The following LARP1B variants were observed in gnomAD, a reference collection of about 807,000 sequenced individuals.
LARP1B encodes the protein la-related protein 1B.
LARP1B carries 76 observed loss-of-function variants against 114.2 expected under a neutral mutation model. The observed-to-expected ratio is 0.67, with a 90% CI of 0.55 to 0.81. The LOEUF (loss-of-function observed/expected upper bound fraction) is 0.81, where lower values mean the gene tolerates loss of function less well. Ranked by LOEUF, LARP1B falls within the 30% of genes least tolerant of loss-of-function variation. LARP1B has a pLI of 0.00. For missense variants in LARP1B, 1,014 were observed against 1,075.8 expected (o/e 0.94, Z 0.80); for synonymous variants, 345 against 348.0 (o/e 0.99, Z 0.10).
chr4:128,089,246 A>G (rs778206681), intron 5 of LARP1B, among the ~76,000 whole-genome samples: 5 of 152,194 alleles, frequency 3.3e-5, no homozygotes, highest in Non-Finnish European at 7.3e-5. Context: ...CCTTGTCTCT[A>G]GGATTTGCAT....
rs1268744742 is a variant in LARP1B, at chr4:128,199,571, C to T, written c.2136C>T (p.Tyr712=). The T allele has an allele frequency of 6.3e-7, 1 of 1,576,638 alleles. No individual in the cohort carries two copies. The highest frequency in any genetic ancestry group is 1.2e-5 in the South Asian group (1 of 81,866). Residue 712 remains tyrosine, a synonymous_variant, in exon 16 of 20, where the codon TAC becomes TAT. Transcript: ENST00000326639. ...LKENGFTQQV[Y]HKYRRRCLSE... The stretch of plus-strand genomic sequence containing the variant: ...AAAATGGCTTTACCCAACAAGTGTA[C>T]CACAAGTATCGTCGAAGATGCCTAA...
rs756257530 is a variant in LARP1B, at chr4:128,077,738, T to G, written c.43-50T>G. On this transcript the variant is annotated intron_variant, in intron 3 of 19. Coordinates refer to ENST00000326639, the MANE Select transcript of LARP1B (RefSeq NM_018078.4). Reference sequence around the variant, plus strand: ...ATATTGCCACAAATTTTTGGGTATGTTAGTGAAAATATTAATGGAAATCAT... The same window carrying G: ...ATATTGCCACAAATTTTTGGGTATGGTAGTGAAAATATTAATGGAAATCAT... 7.6e-6 allele frequency: 11 copies of G among 1,456,032 alleles called. No individual in the cohort carries two copies. In the South Asian group the frequency reaches 1.8e-4, roughly 24 times the overall value. The allele number at this position is 1,456,032 out of a possible 1,614,324, so 90.2% of individuals were successfully genotyped here.
At position 128,098,747 on chromosome 4, in the gene LARP1B, G is replaced by GTGTATATATATATATATATATATA; in HGVS notation, c.813+418_813+419insGTATATATATATATATATATATAT. On this transcript the variant is annotated intron_variant, in intron 8 of 19. Transcript: ENST00000326639. ...AGCATGTGTTCCTGTATATGTATGT[G>GTGTATATATATATATATATATATA]TATATATATATATATATATATTTTT... 3.2e-4 allele frequency among the ~76,000 whole-genome samples: 5 copies of GTGTATATATATATATATATATATA among 15,586 alleles called. 1 individual carries two copies. The highest frequency in any genetic ancestry group is 9.7e-4 in the African/African-American group (5 of 5,172). The allele number at this position is 15,586 out of a possible 152,430, so 10.2% of individuals were successfully genotyped here.
intron 17 of LARP1B, among the ~76,000 whole-genome samples, chr4:128,201,628 T>A (rs1270493113): frequency 6.6e-6 from 1 of 152,238 alleles, no homozygotes; most frequent in African/African-American, 2.4e-5. Flanking sequence ...TTGCTTCTAC[T>A]TCTCTTCGTC....
At chr4:128,083,798 G>A (rs1178458278) in intron 5 of LARP1B, among the ~76,000 whole-genome samples, 1 of 149,078 alleles carries the variant, frequency 6.7e-6, no homozygotes. Context: ...CCGGGCGGGG[G>A]GCTGACCCCC....
At chr4:128,187,976 C>T (rs1750898928) in intron 15 of LARP1B, among the ~76,000 whole-genome samples, 1 of 152,102 alleles carries the variant, frequency 6.6e-6, no homozygotes, top group Admixed American at 6.5e-5. Context: ...GTAAGTTTTC[C>T]TAAGGCCTCC....
chr4:128,140,640 T>A (rs1347052797), intron 11 of LARP1B, among the ~76,000 whole-genome samples: 1 of 152,182 alleles, frequency 6.6e-6, no homozygotes, highest in Admixed American at 6.6e-5. Context: ...ATGAATGCGT[T>A]ATAAGTTGCA....
chr4:128,155,809 G>T, intron 11 of LARP1B: 1 of 1,587,936 alleles, frequency 6.3e-7, no homozygotes, highest in South Asian at 1.1e-5. Flanking sequence ...TGATAAACTG[G>T]AAGATGAGAA....
At chr4:128,147,409 T>G (rs1245828693) in intron 11 of LARP1B, among the ~76,000 whole-genome samples, 1 of 152,212 alleles carries the variant, frequency 6.6e-6, no homozygotes, top group Non-Finnish European at 1.5e-5. Flanking sequence ...GAGTTTTGCC[T>G]TGATTATTAG....
chr4:128,076,366 A>T (rs1032385897), intron 3 of LARP1B, among the ~76,000 whole-genome samples: 30 of 152,254 alleles, frequency 2.0e-4, no homozygotes, highest in African/African-American at 7.0e-4. Context: ...CTAGAATTTT[A>T]TATATGTGGA....
chr4:128,186,416 T>A (rs922666285), intron 15 of LARP1B, among the ~76,000 whole-genome samples: 1 of 152,214 alleles, frequency 6.6e-6, no homozygotes, highest in East Asian at 1.9e-4. Context: ...ATACTTTATG[T>A]ATTTTTGTAG....
At chr4:128,166,966 CTCTCT>C (rs1741216513) in intron 12 of LARP1B, among the ~76,000 whole-genome samples, 1 of 87,856 alleles carries the variant, frequency 1.1e-5, no homozygotes, top group Non-Finnish European at 2.2e-5. Context: ...CTCTCTCTCT[CTCTCT>C]ATATATATAT....
chr4:128,117,479 G>A (rs924820563), intron 10 of LARP1B, among the ~76,000 whole-genome samples: 30 of 152,002 alleles, frequency 2.0e-4, no homozygotes, highest in African/African-American at 7.0e-4. Context: ...TTCCCCTCCC[G>A]GGTTCAAGCG....
chr4:128,140,106 T>A (rs1727333663), intron 11 of LARP1B, among the ~76,000 whole-genome samples: 1 of 152,228 alleles, frequency 6.6e-6, no homozygotes, highest in Non-Finnish European at 1.5e-5. Context: ...TTATTGCATG[T>A]CGAAATAGAT....
At chr4:128,137,152 A>G (rs1224350283) in intron 11 of LARP1B, among the ~76,000 whole-genome samples, 32 of 151,568 alleles carry the variant, frequency 2.1e-4, no homozygotes, top group Admixed American at 2.0e-3. Flanking sequence ...AATTAAAAAA[A>G]CTCCCCCGAC....
intron 4 of LARP1B, among the ~76,000 whole-genome samples, chr4:128,081,685 A>C (rs1770523548): frequency 6.6e-6 from 1 of 152,122 alleles, no homozygotes. Context: ...GTCCTTCTTT[A>C]GACTAACAGT....
rs1738853652 is a variant in LARP1B, at chr4:128,162,275, C to T, written c.1606C>T (p.Pro536Ser). 3 of 1,612,956 alleles carry T rather than the reference C, an allele frequency of 1.9e-6. No individual in the cohort carries two copies. The highest frequency in any genetic ancestry group is 2.5e-6 in the Non-Finnish European group (3 of 1,179,290). ...CCTAACACCTGAACTTCCTTTTGAG[C>T]CAAACCAAGAAGTTCCTGTAGCACC... Reference protein sequence around the residue: ...ENLTPELPFEPNQEVPVAPSQ... With the variant: ...ENLTPELPFESNQEVPVAPSQ... The change falls in exon 12 of 20, where the codon CCA (proline) becomes TCA (serine). Residue 536 changes from proline to serine, a missense_variant. Physicochemically the swap from Pro to Ser is moderately conservative, Grantham distance 74 (BLOSUM62 -1). Coordinates refer to ENST00000326639, the MANE Select transcript of LARP1B (RefSeq NM_018078.4).
chr4:128,065,325 CTCTCTCTT>C (rs1762282338), intron 1 of LARP1B, among the ~76,000 whole-genome samples: 1 of 125,628 alleles, frequency 8.0e-6, no homozygotes, highest in South Asian at 2.6e-4. Context: ...TTCTCTCTCT[CTCTCTCTT>C]TCCTTTCTTT....
At chr4:128,068,012 C>G (rs1010037572) in intron 1 of LARP1B, among the ~76,000 whole-genome samples, 2 of 152,126 alleles carry the variant, frequency 1.3e-5, no homozygotes, top group South Asian at 4.1e-4. Flanking sequence ...TCCCGAGTAG[C>G]TGGGACTACA....
Sources: allele counts gnomAD v4.1 joint callset (sites outside exome capture counted in the v4.1 genomes callset), GRCh38; gene constraint gnomAD v4.1.1; transcripts MANE v1.5; gene names NCBI Gene and HGNC (gene_info 2026-07-23, HGNC 2026-07-21).